Variants in UBE2E2 observed in about 807,000 individuals in gnomAD.
UBE2E2 encodes ubiquitin-conjugating enzyme E2 E2.
In UBE2E2, 6 loss-of-function variants were observed where a neutral mutation model predicts 24.7. The ratio of observed to expected loss-of-function variants is 0.24; its 90% CI spans 0.13 to 0.48. The LOEUF (loss-of-function observed/expected upper bound fraction) is 0.48, where lower values mean the gene tolerates loss of function less well. Ranked by LOEUF, UBE2E2 falls within the 20% of genes least tolerant of loss-of-function variation. The probability of loss-of-function intolerance (pLI) is 0.99; values close to 1 mark genes in which losing one functional copy is unlikely to be tolerated. For missense variants in UBE2E2, 169 were observed against 245.0 expected (o/e 0.69, Z 2.07); for synonymous variants, 104 against 83.6 (o/e 1.24, Z -1.33).
chr3:23,391,220 C>T (rs1202334505), intron 3 of UBE2E2, among the ~76,000 whole-genome samples: 1 of 152,200 alleles, frequency 6.6e-6, no homozygotes, highest in African/African-American at 2.4e-5. Context: ...TTCTTATCTA[C>T]ATTATAAGTT....
At chr3:23,585,719 C>T (rs1696610183) in intron 5 of UBE2E2, among the ~76,000 whole-genome samples, 1 of 152,032 alleles carries the variant, frequency 6.6e-6, no homozygotes, top group Non-Finnish European at 1.5e-5. Flanking sequence ...GGAAAACTGA[C>T]AGATGATAAT....
At chr3:23,581,003 G>C (rs1032070077) in intron 5 of UBE2E2, among the ~76,000 whole-genome samples, 5 of 152,134 alleles carry the variant, frequency 3.3e-5, no homozygotes, top group African/African-American at 7.2e-5. Flanking sequence ...AACACGTTTT[G>C]CATATGGCAA....
At chr3:23,575,939 C>G (rs1319997235) in intron 5 of UBE2E2, among the ~76,000 whole-genome samples, 1 of 152,098 alleles carries the variant, frequency 6.6e-6, no homozygotes, top group Non-Finnish European at 1.5e-5. Flanking sequence ...TGTGCTGTCT[C>G]AGAAACACAG....
At chr3:23,539,357 A>T (rs1219734386) in intron 5 of UBE2E2, among the ~76,000 whole-genome samples, 1 of 152,182 alleles carries the variant, frequency 6.6e-6, no homozygotes, top group Non-Finnish European at 1.5e-5. Flanking sequence ...ACGTCCTTTG[A>T]TAGGTTTGAT....
At chr3:23,327,342 C>T (rs974333710) in intron 3 of UBE2E2, among the ~76,000 whole-genome samples, 2 of 152,106 alleles carry the variant, frequency 1.3e-5, no homozygotes, top group South Asian at 4.1e-4. Context: ...CCTGTTGTTT[C>T]CTGACTTTTT....
intron 3 of UBE2E2, among the ~76,000 whole-genome samples, chr3:23,299,740 CT>C (rs1699016269): frequency 6.6e-6 from 1 of 152,148 alleles, no homozygotes; most frequent in African/African-American, 2.4e-5. Flanking sequence ...TGGTGTGGTG[CT>C]GAAAAGAATG....
chr3:23,243,689 T>G (rs946052637), intron 3 of UBE2E2, among the ~76,000 whole-genome samples: 4 of 152,178 alleles, frequency 2.6e-5, no homozygotes, highest in African/African-American at 7.2e-5. Context: ...TTAACTGAAC[T>G]TCTGAATACC....
intron 3 of UBE2E2, among the ~76,000 whole-genome samples, chr3:23,336,057 TGAA>T (rs1240604301): frequency 1.3e-5 from 2 of 152,310 alleles, no homozygotes; most frequent in African/African-American, 4.8e-5. Flanking sequence ...GCTGTGCTCT[TGAA>T]GAAGACTGTC....
At chr3:23,492,152 G>A (rs547672827) in intron 3 of UBE2E2, among the ~76,000 whole-genome samples, 1 of 152,298 alleles carries the variant, frequency 6.6e-6, no homozygotes, top group South Asian at 2.1e-4. Context: ...ATTAGAGGGA[G>A]ACTGTCACTA....
intron 3 of UBE2E2, among the ~76,000 whole-genome samples, chr3:23,379,419 A>G (rs1013441158): frequency 1.5e-4 from 17 of 110,454 alleles, no homozygotes; most frequent in Non-Finnish European, 2.3e-4. Context: ...AACAGTCCCC[A>G]GAGTATGATA....
At chr3:23,255,410 T>G (rs1008995185) in intron 3 of UBE2E2, among the ~76,000 whole-genome samples, 9 of 152,102 alleles carry the variant, frequency 5.9e-5, no homozygotes, top group Admixed American at 3.9e-4. Flanking sequence ...TAATATTTAT[T>G]TGACTGTTTT....
intron 3 of UBE2E2, among the ~76,000 whole-genome samples, chr3:23,352,430 G>T (rs376280100): frequency 8.5e-5 from 13 of 152,128 alleles, no homozygotes; most frequent in South Asian, 6.2e-4. Context: ...CTTCAAAAAA[G>T]TAATGAATCC....
intron 3 of UBE2E2, among the ~76,000 whole-genome samples, chr3:23,371,641 C>T (rs754107572): frequency 8.6e-5 from 13 of 151,988 alleles, no homozygotes; most frequent in Non-Finnish European, 1.6e-4. Flanking sequence ...CTCACTAAGC[C>T]AGCAATTTTC....
intron 3 of UBE2E2, among the ~76,000 whole-genome samples, chr3:23,285,995 C>T (rs1255264437): frequency 6.6e-6 from 1 of 152,114 alleles, no homozygotes; most frequent in Admixed American, 6.6e-5. Context: ...CTGTGGATGG[C>T]CCTTTTGCCC....
At chr3:23,528,812 C>T (rs1255647759) in intron 4 of UBE2E2, among the ~76,000 whole-genome samples, 1 of 152,162 alleles carries the variant, frequency 6.6e-6, no homozygotes, top group Non-Finnish European at 1.5e-5. Context: ...GGTATTTCCC[C>T]TCCTGTCTGT....
intron 3 of UBE2E2, among the ~76,000 whole-genome samples, chr3:23,398,212 G>A (rs1575604839): frequency 6.6e-6 from 1 of 150,582 alleles, no homozygotes; most frequent in African/African-American, 2.5e-5. Context: ...ACTCAGGAGG[G>A]TGAGGCAAGA....
chr3:23,521,249 T>C (rs932234609), intron 4 of UBE2E2, among the ~76,000 whole-genome samples: 1 of 152,186 alleles, frequency 6.6e-6, no homozygotes, highest in Admixed American at 6.5e-5. Context: ...ATAAAAAATG[T>C]AAAGAAAAGA....
chr3:23,408,698 C>T (rs542415196), intron 3 of UBE2E2, among the ~76,000 whole-genome samples: 1 of 152,270 alleles, frequency 6.6e-6, no homozygotes, highest in East Asian at 1.9e-4. Context: ...CAGCTCTGAG[C>T]TGGCCCTCAT....
intron 4 of UBE2E2, among the ~76,000 whole-genome samples, chr3:23,525,008 G>A (rs151054069): frequency 9.3e-4 from 141 of 152,164 alleles, no homozygotes; most frequent in Non-Finnish European, 1.7e-3. Context: ...TCAAATCAAG[G>A]TATTAGCATG....
Sources: allele counts gnomAD v4.1 joint callset (sites outside exome capture counted in the v4.1 genomes callset), GRCh38; gene constraint gnomAD v4.1.1; transcripts MANE v1.5; gene names NCBI Gene and HGNC (gene_info 2026-07-23, HGNC 2026-07-21).